SV2B: variants seen among roughly 807,000 people sequenced by gnomAD.
SV2B encodes the protein solute carrier family 22 member B2.
A neutral mutation model predicts 73.9 loss-of-function variants in SV2B; 41 were observed. That is an observed-to-expected ratio of 0.56 (90% CI 0.43 to 0.72). SV2B has a LOEUF of 0.72. Among genes scored for constraint, SV2B ranks in the 30% least tolerant of loss-of-function variants. The probability of loss-of-function intolerance (pLI) is 0.00; values close to 1 mark genes in which losing one functional copy is unlikely to be tolerated. For missense variants in SV2B, 764 were observed against 857.8 expected (o/e 0.89, Z 1.37); for synonymous variants, 314 against 314.2 (o/e 1.00, Z 0.01).
chr15:91,103,091 C>T (rs987856123), intron 1 of SV2B, among the ~76,000 whole-genome samples: 1 of 152,168 alleles, frequency 6.6e-6, no homozygotes, highest in African/African-American at 2.4e-5. Flanking sequence ...GATGTATGTG[C>T]TGAGTTATTG....
At chr15:91,180,047 T>C (rs1596532636) in intron 1 of SV2B, among the ~76,000 whole-genome samples, 1 of 152,138 alleles carries the variant, frequency 6.6e-6, no homozygotes, top group South Asian at 2.1e-4. Context: ...TTCCTTTCCA[T>C]GTTTAGTGCT....
rs1240925825 is a variant in SV2B, at chr15:91,227,029, TTGGGAGTGGCAAATG to T, written c.451+330_451+344del. On this transcript the variant is annotated intron_variant, in intron 2 of 12. Coordinates refer to ENST00000394232, the MANE Select transcript of SV2B (RefSeq NM_001323032.3). This position sits in a 1 kb window ranked among gnomAD's most constrained non-coding sequence, Gnocchi z 4.5. ...TCGATGTCCAAATGACAAATACATT[TTGGGAGTGGCAAATG>T]TGGGAGTGGCAAATTAAACCTTCTT... Among the ~76,000 whole-genome samples, 2 of 152,158 alleles carry T rather than the reference TTGGGAGTGGCAAATG, an allele frequency of 1.3e-5. No individual in the cohort carries two copies. The highest frequency in any genetic ancestry group is 2.4e-5 in the African/African-American group (1 of 41,420).
chr15:91,163,846 T>C (rs1465602422), intron 1 of SV2B, among the ~76,000 whole-genome samples: 3 of 152,248 alleles, frequency 2.0e-5, no homozygotes, highest in African/African-American at 7.2e-5. Context: ...CCCATACCTA[T>C]GTCCTGAATG....
intron 1 of SV2B, among the ~76,000 whole-genome samples, chr15:91,117,600 C>T (rs951834127): frequency 2.0e-5 from 3 of 152,220 alleles, no homozygotes; most frequent in Non-Finnish European, 2.9e-5. Flanking sequence ...TCTTCTCCTT[C>T]TTCTCATGCC....
Position 91,281,933 on chromosome 15 carries a change from G to A in SV2B, c.1507+72G>A. On this transcript the variant is annotated intron_variant, in intron 10 of 12. Transcript: ENST00000394232. The surrounding 1 kb of genome is among the most constrained non-coding windows in gnomAD (Gnocchi z 4.7). Reference sequence around the variant, plus strand: ...CTTGTGTTGTCCAAGAATCAAAATGGTCAGGCATAAACTTTAGGAGTAGGA... The same window carrying A: ...CTTGTGTTGTCCAAGAATCAAAATGATCAGGCATAAACTTTAGGAGTAGGA... 6.6e-7 allele frequency: 1 copy of A among 1,508,380 alleles called. No individual in the cohort carries two copies. Among genetic ancestry groups the A allele is most frequent in the Non-Finnish European group, 9.0e-7 (1 of 1,115,340 alleles). 93.4% of individuals were successfully genotyped at this position (1,508,380 alleles called of 1,614,324 possible).
chr15:91,138,620 T>A (rs2141179117), intron 1 of SV2B, among the ~76,000 whole-genome samples: 1 of 152,354 alleles, frequency 6.6e-6, no homozygotes, highest in East Asian at 1.9e-4. Flanking sequence ...TTTCTTGTAA[T>A]TATTCCCAAA....
chr15:91,125,765 A>C (rs1362708643), intron 1 of SV2B, among the ~76,000 whole-genome samples: 7 of 145,374 alleles, frequency 4.8e-5, no homozygotes, highest in Non-Finnish European at 3.0e-5. Context: ...ACAAAGTGAG[A>C]CCCTGTCTCA....
rs2046711695 is a variant in SV2B at position 91,234,674 on chromosome 15, A to G, written c.451+7960A>G. On this transcript the variant is annotated intron_variant, in intron 2 of 12. Coordinates refer to ENST00000394232, the MANE Select transcript of SV2B (RefSeq NM_001323032.3). This position sits in a 1 kb window ranked among gnomAD's most constrained non-coding sequence, Gnocchi z 5.6. ...ACAGAGCATCATGGCTTCTTGGTCA[A>G]TTCCCAGACTTGAGCCAGTTTACAG... is the stretch of plus-strand genomic sequence containing the variant. Among the ~76,000 whole-genome samples the G allele has an allele frequency of 6.6e-6, 1 of 152,168 alleles. No individual in the cohort carries two copies. Among genetic ancestry groups the G allele is most frequent in the African/African-American group, 2.4e-5 (1 of 41,426 alleles).
chr15:91,277,534 T>A (rs1376780249), intron 9 of SV2B, among the ~76,000 whole-genome samples: 2 of 152,218 alleles, frequency 1.3e-5, no homozygotes, highest in African/African-American at 4.8e-5. Context: ...ATCTTCTTTA[T>A]GTTACTTACA....
chr15:91,223,274 C>T lies in SV2B; in HGVS notation c.-391-2599C>T, dbSNP rs1466356538. 6.6e-6 allele frequency among the ~76,000 whole-genome samples: 1 copy of T among 152,218 alleles called. No homozygotes were observed. The highest frequency in any genetic ancestry group is 1.9e-4 in the East Asian group (1 of 5,208). On this transcript the variant is annotated intron_variant, in intron 1 of 12. Coordinates refer to ENST00000394232, the MANE Select transcript of SV2B (RefSeq NM_001323032.3). This position sits in a 1 kb window ranked among gnomAD's most constrained non-coding sequence, Gnocchi z 4.6. ...GAGGTGCCGGCAGTCAGAACTTCAACATACCTTCACGCTATAGGGACACAA... is the reference window on the plus strand; with the variant it reads ...GAGGTGCCGGCAGTCAGAACTTCAATATACCTTCACGCTATAGGGACACAA...
rs1020620150 is a variant in SV2B at position 91,239,760 on chromosome 15, T to C, written c.452-12059T>C. Among the ~76,000 whole-genome samples the C allele has an allele frequency of 3.0e-4, 46 of 152,220 alleles. No individual in the cohort carries two copies. The highest frequency in any genetic ancestry group is 9.9e-4 in the African/African-American group (41 of 41,462). ...GAATCATAAAGATACTCATTATTTA[T>C]TGATCAAGAATTTTCAAAGTAGGTG... is the stretch of plus-strand genomic sequence containing the variant. On this transcript the variant is annotated intron_variant, in intron 2 of 12. Coordinates refer to ENST00000394232, the MANE Select transcript of SV2B (RefSeq NM_001323032.3). The surrounding 1 kb of genome is among the most constrained non-coding windows in gnomAD (Gnocchi z 5.1).
chr15:91,215,616 T>C (rs2045999093), intron 1 of SV2B, among the ~76,000 whole-genome samples: 1 of 152,208 alleles, frequency 6.6e-6, no homozygotes, highest in Admixed American at 6.5e-5. Flanking sequence ...ATACTATTAG[T>C]ATAACCATAA....
At position 91,268,723 on chromosome 15, in the gene SV2B, G is replaced by T; in HGVS notation, c.1373+118G>T. On this transcript the variant is annotated intron_variant, in intron 9 of 12. Coordinates refer to ENST00000394232, the MANE Select transcript of SV2B (RefSeq NM_001323032.3). This position sits in a 1 kb window ranked among gnomAD's most constrained non-coding sequence, Gnocchi z 4.4. ...ATGGCCGGGAATGAGCGCCAAGGCTGGTGTCATCATCACAACCTGTCATGG... is the reference window on the plus strand; with the variant it reads ...ATGGCCGGGAATGAGCGCCAAGGCTTGTGTCATCATCACAACCTGTCATGG... 1 of 1,331,266 alleles carries T rather than the reference G, an allele frequency of 7.5e-7. No homozygotes were observed. The highest frequency in any genetic ancestry group is 1.0e-6 in the Non-Finnish European group (1 of 984,796). The allele number at this position is 1,331,266 out of a possible 1,614,324, so 82.5% of individuals were successfully genotyped here.
rs1308462207 is a variant in SV2B, at chr15:91,118,553, A to C, written c.-392+18190A>C. 6.6e-6 allele frequency among the ~76,000 whole-genome samples: 1 copy of C among 152,186 alleles called. No individual in the cohort carries two copies. Among genetic ancestry groups the C allele is most frequent in the Non-Finnish European group, 1.5e-5 (1 of 68,032 alleles). ...CAGGGCTGTCCAGGCTCAATCACAA[A>C]AGGAGGAAATCTGCCTGGAGAAGAG... On this transcript the variant is annotated intron_variant, in intron 1 of 12. Coordinates refer to ENST00000394232, the MANE Select transcript of SV2B (RefSeq NM_001323032.3). The surrounding 1 kb of genome is among the most constrained non-coding windows in gnomAD (Gnocchi z 4.7).
At chr15:91,217,955 C>T (rs2046090533) in intron 1 of SV2B, among the ~76,000 whole-genome samples, 1 of 152,210 alleles carries the variant, frequency 6.6e-6, no homozygotes, top group African/African-American at 2.4e-5. Flanking sequence ...GTCCCATGCC[C>T]TCACTCAGTA....
At chr15:91,269,876 A>T (rs1374395369) in intron 9 of SV2B, among the ~76,000 whole-genome samples, 2 of 152,178 alleles carry the variant, frequency 1.3e-5, no homozygotes, top group East Asian at 3.9e-4. Context: ...ACATCTCCAT[A>T]CTCATATACC....
intron 1 of SV2B, among the ~76,000 whole-genome samples, chr15:91,196,375 A>G (rs1014825401): frequency 3.9e-5 from 6 of 152,264 alleles, no homozygotes; most frequent in African/African-American, 1.4e-4. Context: ...AGGAACATAA[A>G]TGTAGGAGTG....
intron 1 of SV2B, among the ~76,000 whole-genome samples, chr15:91,145,793 G>T (rs769205925): frequency 2.0e-5 from 3 of 152,076 alleles, no homozygotes; most frequent in Non-Finnish European, 4.4e-5. Context: ...GTCTTCTTTC[G>T]AAAAGTCTCT....
At chr15:91,189,896 G>C (rs1315775629) in intron 1 of SV2B, among the ~76,000 whole-genome samples, 1 of 152,112 alleles carries the variant, frequency 6.6e-6, no homozygotes, top group Non-Finnish European at 1.5e-5. Context: ...GCTGAGGCAG[G>C]AGAATGGCAT....
Sources: gnomAD v4.1 joint callset for allele counts (sites outside exome capture counted in the v4.1 genomes callset) on GRCh38, gnomAD v4.1.1 for gene constraint, Gnocchi (gnomAD v3.1) non-coding constraint, MANE v1.5 for transcripts, NCBI Gene and HGNC (gene_info 2026-07-23, HGNC 2026-07-21) for gene names.